The following PDK1 variants were observed in gnomAD, a reference collection of about 807,000 sequenced individuals.
PDK1 encodes the protein pyruvate dehydrogenase kinase 1.
A neutral mutation model predicts 54.2 loss-of-function variants in PDK1; 39 were observed. That is an observed-to-expected ratio of 0.72 (90% CI 0.56 to 0.94). The LOEUF is 0.94. Among genes scored for constraint, PDK1 ranks in the 40% least tolerant of loss-of-function variants. The probability of loss-of-function intolerance (pLI) is 0.00; values close to 1 mark genes in which losing one functional copy is unlikely to be tolerated. For missense variants in PDK1, 552 were observed against 566.0 expected (o/e 0.98, Z 0.25); for synonymous variants, 221 against 207.1 (o/e 1.07, Z -0.58).
the PDK1 span, among the ~76,000 whole-genome samples, chr2:172,634,420 G>T: frequency 6.6e-6 from 1 of 151,598 alleles, no homozygotes; most frequent in Non-Finnish European, 1.5e-5. Context: ...TTACAGGTGC[G>T]CACCATCATG....
At chr2:172,646,983 C>T in the PDK1 span, among the ~76,000 whole-genome samples, 26 of 151,948 alleles carry the variant, frequency 1.7e-4, no homozygotes, top group African/African-American at 6.3e-4. Flanking sequence ...GTGATCCACC[C>T]GCCTTGACCT....
upstream of PDK1, chr2:172,556,074 A>G (rs939424357): frequency 1.8e-6 from 2 of 1,122,140 alleles, no homozygotes; most frequent in South Asian, 2.3e-5. Context: ...GCTGCCCGCC[A>G]CGTCCCTCAC....
the PDK1 span, among the ~76,000 whole-genome samples, chr2:172,709,087 G>A: frequency 1.3e-5 from 2 of 151,884 alleles, no homozygotes; most frequent in Non-Finnish European, 2.9e-5. Context: ...TTAAACCTTT[G>A]CAGGTATAAT....
At chr2:172,569,281 A>C (rs1050035201) in intron 7 of PDK1, among the ~76,000 whole-genome samples, 2 of 152,208 alleles carry the variant, frequency 1.3e-5, no homozygotes, top group Admixed American at 6.5e-5. Context: ...AAAGGACCAG[A>C]ATTCTTTTTT....
the PDK1 span, chr2:172,677,592 GA>G: frequency 5.3e-5 from 8 of 152,300 alleles, no homozygotes; most frequent in African/African-American, 1.7e-4. Flanking sequence ...GCTGTTAAGG[GA>G]AAATAACAAT....
At chr2:172,567,873 C>T (rs1689039808) in intron 6 of PDK1, among the ~76,000 whole-genome samples, 1 of 152,208 alleles carries the variant, frequency 6.6e-6, no homozygotes, top group African/African-American at 2.4e-5. Flanking sequence ...TTTATACACA[C>T]CCCTATCACC....
chr2:172,649,627 G>T, the PDK1 span, among the ~76,000 whole-genome samples: 1 of 152,220 alleles, frequency 6.6e-6, no homozygotes, highest in Admixed American at 6.5e-5. Flanking sequence ...AATAAAGAGC[G>T]TAGAGAAGTC....
chr2:172,631,845 T>C, the PDK1 span, among the ~76,000 whole-genome samples: 36 of 152,370 alleles, frequency 2.4e-4, 1 homozygote, highest in East Asian at 6.0e-3. Flanking sequence ...GCAACTCTTA[T>C]GTTACGGTTT....
chr2:172,614,990 C>T, the PDK1 span, among the ~76,000 whole-genome samples: 4 of 151,990 alleles, frequency 2.6e-5, no homozygotes, highest in Non-Finnish European at 5.9e-5. Context: ...CTATTGTGTA[C>T]TAATACTGTT....
rs77502960 is a variant in PDK1 at position 172,568,817 on chromosome 2, G to T, written c.846G>T (p.Lys282Asn). The stretch of plus-strand genomic sequence containing the variant: ...ATCACATGGTGTTTGAACTTTTCAA[G>T]GTTTGTAAAATAGTATTACATAACC... ...HLYHMVFELF[K>N]NAMRATMEHH... The change falls in exon 7 of 11, where the codon AAG becomes AAT. Residue 282 changes from lysine (K) to asparagine (N), a missense_variant and splice_region_variant. By Grantham distance (94) the Lys-to-Asn change is moderately conservative (BLOSUM62 0). Coordinates refer to ENST00000282077, the MANE Select transcript of PDK1 (RefSeq NM_002610.5). 6.4e-7 allele frequency: 1 copy of T among 1,568,610 alleles called. No homozygotes were observed. The highest frequency in any genetic ancestry group is 8.8e-7 in the Non-Finnish European group (1 of 1,138,616).
chr2:172,561,018 A>G (rs1688628061), intron 2 of PDK1, among the ~76,000 whole-genome samples: 1 of 152,268 alleles, frequency 6.6e-6, no homozygotes, highest in Non-Finnish European at 1.5e-5. Flanking sequence ...AAAGCAAAAT[A>G]TGACTGCTAT....
chr2:172,659,868 C>T, the PDK1 span, among the ~76,000 whole-genome samples: 1 of 152,210 alleles, frequency 6.6e-6, no homozygotes, highest in Non-Finnish European at 1.5e-5. Context: ...TGTTAAGGAG[C>T]AGCACCTTTT....
the PDK1 span, among the ~76,000 whole-genome samples, chr2:172,668,906 T>TATATAG: frequency 7.7e-5 from 10 of 130,636 alleles, no homozygotes; most frequent in South Asian, 5.1e-4. Context: ...TATATATATA[T>TATATAG]AGAGAGAGAG....
chr2:172,668,411 T>C, the PDK1 span, among the ~76,000 whole-genome samples: 1 of 152,058 alleles, frequency 6.6e-6, no homozygotes, highest in Non-Finnish European at 1.5e-5. Flanking sequence ...CTGTGAACCA[T>C]AAATCTTGTG....
At chr2:172,684,681 G>T in the PDK1 span, among the ~76,000 whole-genome samples, 1 of 152,010 alleles carries the variant, frequency 6.6e-6, no homozygotes, top group Non-Finnish European at 1.5e-5. Context: ...TTCAGTCTCA[G>T]CAAGGACATT....
rs1002197033 is a variant in PDK1 at position 172,607,798 on chromosome 2, T to G, written c.*11829T>G. 6.5e-6 allele frequency: 1 copy of G among 152,924 alleles called. No homozygotes were observed. Among genetic ancestry groups the G allele is most frequent in the Non-Finnish European group, 1.5e-5 (1 of 68,678 alleles). 9.5% of individuals were successfully genotyped at this position (152,924 alleles called of 1,614,324 possible). Reference sequence around the variant, plus strand: ...AAAGGAGCAGGGGATAGGGGAACTTTAGGAGCAGAGTAGTGTTGATAACTG... The same window carrying G: ...AAAGGAGCAGGGGATAGGGGAACTTGAGGAGCAGAGTAGTGTTGATAACTG... On this transcript the variant is annotated 3_prime_UTR_variant, in exon 11 of 11. Coordinates refer to ENST00000282077, the MANE Select transcript of PDK1 (RefSeq NM_002610.5).
At chr2:172,557,971 A>G (rs1476620081) in intron 1 of PDK1, among the ~76,000 whole-genome samples, 1 of 151,124 alleles carries the variant, frequency 6.6e-6, no homozygotes, top group African/African-American at 2.4e-5. Flanking sequence ...GCCTAGAACT[A>G]CCGGCAAGCA....
chr2:172,610,887 C>T (rs946428859), downstream of PDK1, among the ~76,000 whole-genome samples: 1 of 152,258 alleles, frequency 6.6e-6, no homozygotes, highest in Non-Finnish European at 1.5e-5. Flanking sequence ...GCTGGGATTA[C>T]AGGCGTGAGC....
chr2:172,582,708 A>G (rs1689980406), intron 8 of PDK1, among the ~76,000 whole-genome samples: 1 of 152,208 alleles, frequency 6.6e-6, no homozygotes, highest in African/African-American at 2.4e-5. Context: ...TTCCTGAAGA[A>G]CTTGGATCCT....
Sources: allele counts gnomAD v4.1 joint callset (sites outside exome capture counted in the v4.1 genomes callset), GRCh38; gene constraint gnomAD v4.1.1; transcripts MANE v1.5; gene names NCBI Gene and HGNC (gene_info 2026-07-23, HGNC 2026-07-21).